The following THAP4 variants were observed in gnomAD, a reference collection of about 807,000 sequenced individuals.
THAP4 encodes the protein THAP domain containing 4, also known as peroxynitrite isomerase THAP4.
In THAP4, 18 loss-of-function variants were observed where a neutral mutation model predicts 48.1. The observed-to-expected ratio is 0.37, with a 90% CI of 0.26 to 0.56. The LOEUF is 0.56. Among genes scored for constraint, THAP4 ranks in the 20% least tolerant of loss-of-function variants. The pLI is 0.78. For synonymous variants in THAP4, 345 were observed against 324.9 expected (o/e 1.06, Z -0.66); for missense variants, 656 against 774.9 (o/e 0.85, Z 1.82).
chr2:241,626,719 A>G lies in THAP4; in HGVS notation c.1240+6198T>C, dbSNP rs183189294. 4.6e-3 allele frequency among the ~76,000 whole-genome samples: 697 copies of G among 152,044 alleles called. 2 individuals carry two copies. Among genetic ancestry groups the G allele is most frequent in the African/African-American group, 0.016 (658 of 41,502 alleles). ...GCTGGGATTACAGGCACGTGTCACC[A>G]TGCCCAGCTAATTTTTGTATTTTTA... On this transcript the variant is annotated intron_variant, in intron 2 of 5. Transcript: ENST00000407315.
At chr2:241,602,372 C>CTT (rs1553556024) in intron 4 of THAP4, among the ~76,000 whole-genome samples, 1 of 139,064 alleles carries the variant, frequency 7.2e-6, no homozygotes, top group Non-Finnish European at 1.6e-5. Context: ...TTTTTTTTTT[C>CTT]TTTTTTTTTT....
intron 5 of THAP4, among the ~76,000 whole-genome samples, chr2:241,588,011 G>A (rs891691736): frequency 3.8e-5 from 5 of 131,160 alleles, no homozygotes; most frequent in Non-Finnish European, 8.1e-5. Flanking sequence ...AAGTAAAAAG[G>A]AGAGAAAAGA....
At chr2:241,621,764 C>G (rs1458510101) in intron 2 of THAP4, among the ~76,000 whole-genome samples, 1 of 152,106 alleles carries the variant, frequency 6.6e-6, no homozygotes, top group Admixed American at 6.6e-5. Flanking sequence ...CACCAAACCA[C>G]AGATCCAGGA....
chr2:241,593,326 C>G (rs1166220388), intron 5 of THAP4, among the ~76,000 whole-genome samples: 2 of 152,184 alleles, frequency 1.3e-5, no homozygotes, highest in Non-Finnish European at 2.9e-5. Context: ...ACCCAGCAAG[C>G]CGGCACAGAG....
intron 2 of THAP4, among the ~76,000 whole-genome samples, chr2:241,620,325 CGGTGAGTGAGTCAGTGAGTG>C: frequency 2.5e-5 from 1 of 39,504 alleles, no homozygotes; most frequent in African/African-American, 1.1e-4. Context: ...GTGAGTGAGT[CGGTGAGTGAGTCAGTGAGTG>C]AGGGGTGAGT....
Position 241,636,947 on chromosome 2 carries a change from A to G in THAP4, c.71T>C (p.Phe24Ser). The change falls in exon 1 of 6, where the codon TTC becomes TCC. Residue 24 changes from phenylalanine to serine, a missense_variant. Coordinates refer to ENST00000407315, the MANE Select transcript of THAP4 (RefSeq NM_015963.6). ...QGKGEKRAVS[F>S]HRFPLKDSKR... Reference sequence around the variant, plus strand: ...CGGCCCGGGGCCCGCGTACCTGTGGAAGGAGACGGCGCGCTTCTCGCCCTT... The same window carrying G: ...CGGCCCGGGGCCCGCGTACCTGTGGGAGGAGACGGCGCGCTTCTCGCCCTT... 1.5e-6 allele frequency: 2 copies of G among 1,293,302 alleles called. No homozygotes were observed. The allele number at this position is 1,293,302 out of a possible 1,614,324, so 80.1% of individuals were successfully genotyped here.
chr2:241,601,264 C>T lies in THAP4; in HGVS notation c.1614+632G>A, dbSNP rs543706275. 6.6e-6 allele frequency among the ~76,000 whole-genome samples: 1 copy of T among 152,106 alleles called. No individual in the cohort carries two copies. Among genetic ancestry groups the T allele is most frequent in the Non-Finnish European group, 1.5e-5 (1 of 68,010 alleles). On this transcript the variant is annotated intron_variant, in intron 5 of 5. Coordinates refer to ENST00000407315, the MANE Select transcript of THAP4 (RefSeq NM_015963.6). This position sits in a 1 kb window ranked among gnomAD's most constrained non-coding sequence, Gnocchi z 4.0. Reference sequence around the variant, plus strand: ...TTGCATTCCAGCCTGGGCAACAGAGCGAAACTCCGCCTCAAAAAAGAACAA... The same window carrying T: ...TTGCATTCCAGCCTGGGCAACAGAGTGAAACTCCGCCTCAAAAAAGAACAA...
chr2:241,628,606 T>C (rs2067521121), intron 2 of THAP4, among the ~76,000 whole-genome samples: 1 of 150,118 alleles, frequency 6.7e-6, no homozygotes, highest in Non-Finnish European at 1.5e-5. Flanking sequence ...GCCATCGCCA[T>C]CTACCCTGGG....
rs2067290416 is a variant in THAP4 at position 241,612,558 on chromosome 2, G to C, written c.1241-6085C>G. On this transcript the variant is annotated intron_variant, in intron 2 of 5. Transcript: ENST00000407315. The surrounding 1 kb of genome is among the most constrained non-coding windows in gnomAD (Gnocchi z 4.1). ...TCAACCAATGAGTAAACAAACTGCA[G>C]TATATCCAGACAATGGAATGTTATT... is the stretch of plus-strand genomic sequence containing the variant. Among the ~76,000 whole-genome samples the C allele has an allele frequency of 6.6e-6, 1 of 152,222 alleles. No individual in the cohort carries two copies. Among genetic ancestry groups the C allele is most frequent in the Non-Finnish European group, 1.5e-5 (1 of 68,040 alleles).
intron 1 of THAP4, among the ~76,000 whole-genome samples, chr2:241,636,619 G>C (rs1036092474): frequency 6.6e-6 from 1 of 152,220 alleles, no homozygotes; most frequent in Admixed American, 6.5e-5. Flanking sequence ...GGTCCGGAGA[G>C]TCAGCAGTCG....
At chr2:241,635,944 CTG>C (rs2067639973) in intron 1 of THAP4, among the ~76,000 whole-genome samples, 1 of 152,174 alleles carries the variant, frequency 6.6e-6, no homozygotes, top group African/African-American at 2.4e-5. Context: ...TTTCTGAACA[CTG>C]TGAGGCCAAC....
In THAP4 at chr2:241,592,411, C is replaced by T. The variant is rs1221694912; in HGVS notation, c.1615-7686G>A. The T allele has an allele frequency of 2.0e-5, 3 of 152,442 alleles. No homozygotes were observed. In the East Asian group the frequency reaches 5.8e-4, roughly 29 times the overall value. The allele number at this position is 152,442 out of a possible 1,614,324, so 9.4% of individuals were successfully genotyped here. A position where few individuals can be genotyped will look rare whatever the true frequency, so the allele number is the denominator to read the frequency against. On this transcript the variant is annotated intron_variant, in intron 5 of 5. Coordinates refer to ENST00000407315, the MANE Select transcript of THAP4 (RefSeq NM_015963.6). ...AGCCTCTTCCAACACACTCAGTTCT[C>T]CCCTGGGGTGTGCCACCACTGCTCA...
intron 5 of THAP4, among the ~76,000 whole-genome samples, chr2:241,599,696 C>G (rs2067089790): frequency 6.6e-6 from 1 of 152,116 alleles, no homozygotes; most frequent in Non-Finnish European, 1.5e-5. Flanking sequence ...TATGTCAATT[C>G]TACCCAAATT....
chr2:241,607,564 G>A (rs2067198543), intron 2 of THAP4, among the ~76,000 whole-genome samples: 1 of 151,450 alleles, frequency 6.6e-6, no homozygotes, highest in Non-Finnish European at 1.5e-5. Flanking sequence ...CTGACACCCA[G>A]GAGCAGCAGC....
intron 5 of THAP4, chr2:241,594,492 A>C (rs1239862398): frequency 4.7e-6 from 1 of 214,100 alleles, no homozygotes; most frequent in African/African-American, 2.3e-5. Flanking sequence ...TGGGAGGCCC[A>C]GGTGGGTATA....
At chr2:241,613,158 A>G (rs886301539) in intron 2 of THAP4, among the ~76,000 whole-genome samples, 6 of 152,204 alleles carry the variant, frequency 3.9e-5, no homozygotes, top group African/African-American at 7.2e-5. Context: ...TTGGCACCCA[A>G]GGAGCTTTGT....
chr2:241,591,883 A>G (rs2066984663), intron 5 of THAP4: 1 of 152,244 alleles, frequency 6.6e-6, no homozygotes, highest in African/African-American at 2.4e-5. Context: ...GAACCACATA[A>G]AATCCAGAAC....
intron 2 of THAP4, among the ~76,000 whole-genome samples, chr2:241,630,027 G>A (rs2067537435): frequency 1.3e-5 from 2 of 152,136 alleles, no homozygotes; most frequent in Non-Finnish European, 2.9e-5. Context: ...TAGCCACAGT[G>A]AAGTCTCAAA....
Position 241,632,918 on chromosome 2 carries a change from G to A in THAP4, c.1239C>T (p.Arg413=), listed in dbSNP as rs368406463. 3.1e-5 allele frequency: 50 copies of A among 1,593,348 alleles called. No homozygotes were observed. The African/African-American group carries it at 4.6e-4, about 15-fold the overall frequency. ...PYPSSLLSPS[R]EPPKMNPVVE... ...GGTACGCGAGGCTCCGGTACTGACC[G>A]CGGCTGGGCGACAGCAGGCTACTTG... is the stretch of plus-strand genomic sequence containing the variant. The change falls in exon 2 of 6, where the codon CGC becomes CGT. Residue 413 remains arginine, a splice_region_variant and synonymous_variant. Transcript: ENST00000407315.
Sources: allele counts gnomAD v4.1 joint callset (sites outside exome capture counted in the v4.1 genomes callset), GRCh38; gene constraint gnomAD v4.1.1; non-coding constraint Gnocchi (gnomAD v3.1); transcripts MANE v1.5; gene names NCBI Gene and HGNC (gene_info 2026-07-23, HGNC 2026-07-21).